P2RX3: variants seen among roughly 807,000 people sequenced by gnomAD.
P2RX3 encodes P2X purinoceptor 3.
A neutral mutation model predicts 51.5 loss-of-function variants in P2RX3; 41 were observed. That is an observed-to-expected ratio of 0.80 (90% CI 0.62 to 1.03). The LOEUF (loss-of-function observed/expected upper bound fraction) is 1.03, where lower values mean the gene tolerates loss of function less well. P2RX3 is among the 50% of genes least tolerant of loss of function. P2RX3 has a pLI of 0.00. For missense variants in P2RX3, 459 were observed against 522.1 expected (o/e 0.88, Z 1.18); for synonymous variants, 185 against 191.6 (o/e 0.97, Z 0.29).
At chr11:57,359,256 C>T (rs1159250466) in intron 8 of P2RX3, among the ~76,000 whole-genome samples, 2 of 152,196 alleles carry the variant, frequency 1.3e-5, no homozygotes, top group African/African-American at 2.4e-5. Flanking sequence ...CATACCCCAT[C>T]CCCTCCTTCC....
At chr11:57,340,284 G>A (rs1856314945) in intron 1 of P2RX3, among the ~76,000 whole-genome samples, 1 of 152,178 alleles carries the variant, frequency 6.6e-6, no homozygotes, top group Non-Finnish European at 1.5e-5. Flanking sequence ...AGCCCGCTCA[G>A]CCCCCACTGC....
In P2RX3 at chr11:57,368,453, C is replaced by T. The variant is rs746521080; in HGVS notation, c.1002+16C>T. ...TGTGGGAGTGGTGAGTTCAGCCCCT[C>T]CACGCTCTGACGGGCCAGTCAGAGT... is the stretch of plus-strand genomic sequence containing the variant. On this transcript the variant is annotated intron_variant, in intron 10 of 11. Transcript: ENST00000263314. The T allele has an allele frequency of 1.2e-5, 19 of 1,613,824 alleles. 1 individual carries two copies. The South Asian group carries it at 1.4e-4, about 12-fold the overall frequency.
chr11:57,336,652 G>A (rs1856227404), upstream of P2RX3, among the ~76,000 whole-genome samples: 1 of 152,170 alleles, frequency 6.6e-6, no homozygotes, highest in Non-Finnish European at 1.5e-5. Flanking sequence ...AGGCTAGGTA[G>A]GACCCAGACC....
intron 1 of P2RX3, among the ~76,000 whole-genome samples, chr11:57,341,113 G>A (rs565036611): frequency 2.0e-5 from 3 of 152,250 alleles, no homozygotes; most frequent in Admixed American, 6.5e-5. Flanking sequence ...GTGTGTGCAC[G>A]TGAGTTTGAG....
chr11:57,365,726 C>A (rs142576627), intron 8 of P2RX3, among the ~76,000 whole-genome samples: 202 of 152,290 alleles, frequency 1.3e-3, no homozygotes, highest in Non-Finnish European at 1.6e-3. Context: ...AGTGGGGGAG[C>A]CAGGATTTAG....
chr11:57,361,683 G>A (rs1029889938), intron 8 of P2RX3, among the ~76,000 whole-genome samples: 1 of 152,102 alleles, frequency 6.6e-6, no homozygotes, highest in Non-Finnish European at 1.5e-5. Context: ...TCTTTATCCA[G>A]TCTATCATTG....
At chr11:57,347,900 A>C (rs1277610590) in intron 4 of P2RX3, among the ~76,000 whole-genome samples, 1 of 152,220 alleles carries the variant, frequency 6.6e-6, no homozygotes, top group African/African-American at 2.4e-5. Context: ...CAGCTGCAGC[A>C]CAGACTCAGA....
In P2RX3 at chr11:57,338,495, TCTCCTGAGGCCAC is replaced by T. The variant is rs1856276668; in HGVS notation, c.-54_-42del. On this transcript the variant is annotated 5_prime_UTR_variant, in exon 1 of 12. Coordinates refer to ENST00000263314, the MANE Select transcript of P2RX3 (RefSeq NM_002559.5). ...GTCTCCCTGTCCTGTAGGACCTCCCTCTCCTGAGGCCACCACTGGGCCCCCTTCTGAGTGTCCC... is the reference window on the plus strand; with the variant it reads ...GTCTCCCTGTCCTGTAGGACCTCCCTCACTGGGCCCCCTTCTGAGTGTCCC... 7.6e-7 allele frequency: 1 copy of T among 1,316,064 alleles called. No individual in the cohort carries two copies. The highest frequency in any genetic ancestry group is 1.3e-5 in the South Asian group (1 of 74,644). The allele number at this position is 1,316,064 out of a possible 1,614,324, so 81.5% of individuals were successfully genotyped here. A position where few individuals can be genotyped will look rare whatever the true frequency, so the allele number is the denominator to read the frequency against.
intron 3 of P2RX3, 69 bp downstream of exon 3, chr11:57,347,256 G>C: frequency 6.4e-7 from 1 of 1,556,334 alleles, no homozygotes; most frequent in South Asian, 1.1e-5. Context: ...GGGAGCAGTG[G>C]CAGGGAGGTA....
chr11:57,341,406 A>G (rs1327790199), intron 1 of P2RX3, among the ~76,000 whole-genome samples: 2 of 152,074 alleles, frequency 1.3e-5, no homozygotes, highest in Non-Finnish European at 2.9e-5. Context: ...TCTCAGCAAC[A>G]CACCACCTGG....
chr11:57,342,145 CATCT>C (rs1856351314), intron 1 of P2RX3, among the ~76,000 whole-genome samples: 1 of 143,058 alleles, frequency 7.0e-6, no homozygotes, highest in Admixed American at 7.3e-5. Flanking sequence ...TGGGCTGCCC[CATCT>C]TTTTTTTTTT....
In P2RX3 at chr11:57,342,709, G is replaced by A. The variant is rs188856114; in HGVS notation, c.120-3835G>A. Among the ~76,000 whole-genome samples the A allele has an allele frequency of 5.9e-5, 9 of 152,162 alleles. No homozygotes were observed. In the East Asian group the frequency reaches 7.7e-4, roughly 13 times the overall value. Reference sequence around the variant, plus strand: ...AGGTAACATATGTCAAGTGCCTTGCGGAGATGGTGACTCAGTAATAGATGG... The same window carrying A: ...AGGTAACATATGTCAAGTGCCTTGCAGAGATGGTGACTCAGTAATAGATGG... On this transcript the variant is annotated intron_variant, in intron 1 of 11. Transcript: ENST00000263314.
intron 8 of P2RX3, among the ~76,000 whole-genome samples, chr11:57,366,946 C>T (rs1856806767): frequency 6.6e-6 from 1 of 152,190 alleles, no homozygotes; most frequent in African/African-American, 2.4e-5. Flanking sequence ...AAGGCCCCAC[C>T]TGTCAATACT....
At chr11:57,359,447 G>A (rs1024661978) in intron 8 of P2RX3, among the ~76,000 whole-genome samples, 2 of 152,204 alleles carry the variant, frequency 1.3e-5, no homozygotes, top group African/African-American at 2.4e-5. Context: ...TGCCCTTCAA[G>A]TGTCTGGGCT....
chr11:57,344,820 C>T (rs920678579), intron 1 of P2RX3, among the ~76,000 whole-genome samples: 1 of 152,116 alleles, frequency 6.6e-6, no homozygotes, highest in Non-Finnish European at 1.5e-5. Flanking sequence ...CACTGAAAAC[C>T]GAACGAAGAG....
chr11:57,346,805 G>T, intron 2 of P2RX3, 126 bp downstream of exon 2: 1 of 1,355,084 alleles, frequency 7.4e-7, no homozygotes, highest in Non-Finnish European at 9.9e-7. Flanking sequence ...TGATCCAGAG[G>T]ACCTCTCCCC....
chr11:57,347,962 C>T (rs530757178), intron 4 of P2RX3, among the ~76,000 whole-genome samples: 3 of 152,184 alleles, frequency 2.0e-5, no homozygotes, highest in East Asian at 3.9e-4. Context: ...TGCTGGGGCT[C>T]GGAGCACATG....
At chr11:57,357,212 T>C (rs1440573292) in intron 8 of P2RX3, among the ~76,000 whole-genome samples, 2 of 152,160 alleles carry the variant, frequency 1.3e-5, no homozygotes, top group African/African-American at 4.8e-5. Flanking sequence ...TCCCAGTTAC[T>C]CAGGAGGCTG....
At chr11:57,353,667 A>G (rs1218725390) in intron 8 of P2RX3, among the ~76,000 whole-genome samples, 1 of 152,176 alleles carries the variant, frequency 6.6e-6, no homozygotes, top group Non-Finnish European at 1.5e-5. Flanking sequence ...GCTCCCTCCA[A>G]CAGAGGCAGA....
Sources: gnomAD v4.1 joint callset for allele counts (sites outside exome capture counted in the v4.1 genomes callset) on GRCh38, gnomAD v4.1.1 for gene constraint, MANE v1.5 for transcripts, NCBI Gene and HGNC (gene_info 2026-07-23, HGNC 2026-07-21) for gene names.